The following HLF variants were observed in gnomAD, a reference collection of about 807,000 sequenced individuals.
HLF encodes the protein hepatic leukemia factor.
A neutral mutation model predicts 22.6 loss-of-function variants in HLF; 3 were observed. That is an observed-to-expected ratio of 0.13 (90% CI 0.06 to 0.34). The LOEUF (loss-of-function observed/expected upper bound fraction) is 0.34. Among genes scored for constraint, HLF ranks in the 10% least tolerant of loss-of-function variants. The pLI is 1.00. For synonymous variants in HLF, 151 were observed against 151.8 expected, an observed-to-expected ratio of 0.99 and a Z score of 0.04; for missense variants, 299 against 389.2, an observed-to-expected ratio of 0.77 and a Z score of 1.95.
chr17:55,299,870 G>A (rs2081141640), intron 2 of HLF, among the ~76,000 whole-genome samples: 2 of 151,196 alleles, frequency 1.3e-5, no homozygotes, highest in African/African-American at 2.4e-5. Context: ...GTCTTGTCCT[G>A]TTGCCTAGGC....
At chr17:55,303,673 T>C (rs1904403374) in intron 2 of HLF, among the ~76,000 whole-genome samples, 1 of 152,170 alleles carries the variant, frequency 6.6e-6, no homozygotes. Flanking sequence ...AAGGGGTGGA[T>C]TTTGGGATTA....
Position 55,265,344 on chromosome 17 carries a change from AT to A in HLF, c.-134del, listed in dbSNP as rs893662202. The A allele has an allele frequency of 1.4e-4, 87 of 606,498 alleles. No individual in the cohort carries two copies. Among genetic ancestry groups the A allele is most frequent in the African/African-American group, 1.4e-3 (75 of 52,622 alleles). 37.6% of individuals were successfully genotyped at this position (606,498 alleles called of 1,614,324 possible). A position where few individuals can be genotyped will look rare whatever the true frequency, so the allele number is the denominator to read the frequency against. The stretch of plus-strand genomic sequence containing the variant: ...AGATGTATTTATAAAGATATAAGTA[AT>A]TTTTTTCTTCCCTTTTCTCCACCGC... On this transcript the variant is annotated 5_prime_UTR_variant, in exon 1 of 4. Transcript: ENST00000226067.
intron 2 of HLF, among the ~76,000 whole-genome samples, chr17:55,287,736 A>G (rs1285916776): frequency 1.3e-5 from 2 of 152,182 alleles, no homozygotes; most frequent in African/African-American, 4.8e-5. Context: ...GGTTTGTTGA[A>G]GTCCATCTTC....
intron 2 of HLF, among the ~76,000 whole-genome samples, chr17:55,285,852 A>C (rs567851268): frequency 1.3e-5 from 2 of 152,182 alleles, no homozygotes; most frequent in Non-Finnish European, 2.9e-5. Context: ...ATGAGTGTCG[A>C]GAGATAGGAC....
Position 55,320,567 on chromosome 17 carries a change from C to A in HLF, c.673-97C>A. 1 of 1,064,488 alleles carries A rather than the reference C, an allele frequency of 9.4e-7. No individual in the cohort carries two copies. Among genetic ancestry groups the A allele is most frequent in the Non-Finnish European group, 1.4e-6 (1 of 730,830 alleles). The allele number at this position is 1,064,488 out of a possible 1,614,324, so 65.9% of individuals were successfully genotyped here. Reference sequence around the variant, plus strand: ...AGCTAAGAAACCCGGGCTGGCACCTCTGCACAATCCTGGAGCCTGCCCGTG... The same window carrying A: ...AGCTAAGAAACCCGGGCTGGCACCTATGCACAATCCTGGAGCCTGCCCGTG... On this transcript the variant is annotated intron_variant, in intron 3 of 3. Coordinates refer to ENST00000226067, the MANE Select transcript of HLF (RefSeq NM_002126.5). The surrounding 1 kb of genome is among the most constrained non-coding windows in gnomAD (Gnocchi z 4.2).
At chr17:55,314,563 C>G (rs1352069763) in intron 2 of HLF, among the ~76,000 whole-genome samples, 1 of 152,216 alleles carries the variant, frequency 6.6e-6, no homozygotes, top group African/African-American at 2.4e-5. Context: ...GGCCACATCT[C>G]TTGTGCTTGC....
chr17:55,304,664 C>T (rs1904462077), intron 2 of HLF, among the ~76,000 whole-genome samples: 2 of 152,164 alleles, frequency 1.3e-5, no homozygotes, highest in Non-Finnish European at 2.9e-5. Flanking sequence ...CAGGGTCACA[C>T]TGGGTGACAT....
intron 2 of HLF, among the ~76,000 whole-genome samples, chr17:55,276,575 G>C (rs531135982): frequency 2.0e-5 from 3 of 152,314 alleles, no homozygotes; most frequent in African/African-American, 7.2e-5. Flanking sequence ...AGATTGGAGA[G>C]GTTAATGCCC....
intron 2 of HLF, among the ~76,000 whole-genome samples, chr17:55,270,569 A>C (rs1052582085): frequency 1.3e-5 from 2 of 151,574 alleles, no homozygotes; most frequent in African/African-American, 4.8e-5. Flanking sequence ...AAGAGCACAG[A>C]TGTAGCCTTG....
At chr17:55,266,075 G>A (rs2080784783) in intron 1 of HLF, 1 of 150,884 alleles carries the variant, frequency 6.6e-6, no homozygotes, top group Admixed American at 6.7e-5. Flanking sequence ...TACAGCTTCT[G>A]TTACTGGTTA....
chr17:55,288,246 C>T, intron 2 of HLF, among the ~76,000 whole-genome samples: 1 of 152,080 alleles, frequency 6.6e-6, no homozygotes, highest in East Asian at 2.0e-4. Flanking sequence ...CTCCTGGGCC[C>T]AAGTGATTCT....
intron 2 of HLF, among the ~76,000 whole-genome samples, chr17:55,291,425 G>A (rs1342082764): frequency 1.3e-5 from 2 of 152,144 alleles, no homozygotes; most frequent in Non-Finnish European, 2.9e-5. Flanking sequence ...TACTCTTCCT[G>A]TGCTCTGTAA....
At chr17:55,269,926 A>ATGTG (rs2080836995) in intron 2 of HLF, among the ~76,000 whole-genome samples, 1 of 152,206 alleles carries the variant, frequency 6.6e-6, no homozygotes, top group Non-Finnish European at 1.5e-5. Context: ...CAAATTTAGG[A>ATGTG]TGTGTACCAT....
At chr17:55,303,942 AT>A (rs961105724) in intron 2 of HLF, among the ~76,000 whole-genome samples, 50 of 150,104 alleles carry the variant, frequency 3.3e-4, no homozygotes, top group East Asian at 2.2e-3. Context: ...CTTTTATTTA[AT>A]TTTTTTTTTC....
chr17:55,304,170 C>T (rs1452864824), intron 2 of HLF, among the ~76,000 whole-genome samples: 1 of 152,044 alleles, frequency 6.6e-6, no homozygotes, highest in Non-Finnish European at 1.5e-5. Context: ...TTCTGGTCAC[C>T]CTATGATATT....
chr17:55,313,925 C>T (rs1273467730), intron 2 of HLF, among the ~76,000 whole-genome samples: 1 of 152,156 alleles, frequency 6.6e-6, no homozygotes, highest in Non-Finnish European at 1.5e-5. Context: ...CAGATGATCA[C>T]GGTTTCACAG....
rs148482372 is a variant in HLF, at chr17:55,316,558, G to C, written c.672+1111G>C. Among the ~76,000 whole-genome samples, 9 of 152,290 alleles carry C rather than the reference G, an allele frequency of 5.9e-5. No homozygotes were observed. The East Asian group carries it at 1.5e-3, about 26-fold the overall frequency. ...TTGATGCAGAATAGGAAAACATCAG[G>C]GCTGAAGGGGACCTTAGAGATTCAT... is the stretch of plus-strand genomic sequence containing the variant. On this transcript the variant is annotated intron_variant, in intron 3 of 3. Coordinates refer to ENST00000226067, the MANE Select transcript of HLF (RefSeq NM_002126.5).
chr17:55,268,019 C>T lies in HLF; in HGVS notation c.384C>T (p.Ser128=), dbSNP rs1411879922. Residue 128 remains serine, a synonymous_variant, in exon 2 of 4, where the codon AGC becomes AGT. Transcript: ENST00000226067. ...CCCCCTCGGTCATGGACCTCAGCAG[C>T]CGGGCCTCTGCACCCCTTCACCCTG... is the stretch of plus-strand genomic sequence containing the variant. ...SAAPSVMDLS[S]RASAPLHPGI... is the part of the protein sequence containing the mutation. 1 of 1,611,704 alleles carries T rather than the reference C, an allele frequency of 6.2e-7. No individual in the cohort carries two copies. The highest frequency in any genetic ancestry group is 8.5e-7 in the Non-Finnish European group (1 of 1,178,720).
chr17:55,280,597 T>C (rs966076720), intron 2 of HLF, among the ~76,000 whole-genome samples: 1 of 152,222 alleles, frequency 6.6e-6, no homozygotes, highest in Non-Finnish European at 1.5e-5. Context: ...GTTTTAGGTT[T>C]CTTCTTTTTA....
Sources: gnomAD v4.1 joint callset for allele counts (sites outside exome capture counted in the v4.1 genomes callset) on GRCh38, gnomAD v4.1.1 for gene constraint, Gnocchi (gnomAD v3.1) non-coding constraint, MANE v1.5 for transcripts, NCBI Gene and HGNC (gene_info 2026-07-23, HGNC 2026-07-21) for gene names.